XPR1: variants seen among roughly 807,000 people sequenced by gnomAD.
XPR1 encodes xenotropic and polytropic retrovirus receptor 1, also known as solute carrier family 53 member 1.
Under a neutral mutation model 87.5 loss-of-function variants are expected in XPR1, and 28 were observed. The observed-to-expected ratio is 0.32, with a 90% CI of 0.24 to 0.44. The LOEUF is 0.44. XPR1 is among the 20% of genes least tolerant of loss of function. The probability of loss-of-function intolerance (pLI) is 1.00; values close to 1 mark genes in which losing one functional copy is unlikely to be tolerated. For missense variants in XPR1, 559 were observed against 862.3 expected (o/e 0.65, Z 4.41); for synonymous variants, 300 against 306.1 (o/e 0.98, Z 0.21).
intron 7 of XPR1, among the ~76,000 whole-genome samples, chr1:180,817,458 A>C (rs1650451617): frequency 6.6e-6 from 1 of 152,192 alleles, no homozygotes; most frequent in African/African-American, 2.4e-5. Context: ...TAAGTACCCT[A>C]TACAGGTGTA....
Position 180,789,592 on chromosome 1 carries a change from C to CTT in XPR1, c.223+1746_223+1747dup, listed in dbSNP as rs139856632. On this transcript the variant is annotated intron_variant, in intron 3 of 14. Coordinates refer to ENST00000367590, the MANE Select transcript of XPR1 (RefSeq NM_004736.4). ...TACTCTTTTTTTGTCTTCTTTTTTC[C>CTT]TTTTTTTTTGGAGAATGGGGTCTTG... 2.6e-3 allele frequency among the ~76,000 whole-genome samples: 393 copies of CTT among 150,092 alleles called. 1 individual carries two copies. Among genetic ancestry groups the CTT allele is most frequent in the African/African-American group, 9.4e-3 (382 of 40,846 alleles).
intron 12 of XPR1, among the ~76,000 whole-genome samples, chr1:180,870,547 A>G (rs1652506710): frequency 1.7e-5 from 1 of 58,076 alleles, no homozygotes; most frequent in African/African-American, 8.4e-5. Flanking sequence ...TTCTTGTTGA[A>G]TTGATCCCTT....
chr1:180,706,080 G>T lies in XPR1; in HGVS notation c.121+23669G>T, dbSNP rs560480932. ...GAACACTTAAAATGAAGCATGGAGG[G>T]TTATCACTGGAGAATAGTTAGCTGT... On this transcript the variant is annotated intron_variant, in intron 2 of 14. Coordinates refer to ENST00000367590, the MANE Select transcript of XPR1 (RefSeq NM_004736.4). Among the ~76,000 whole-genome samples the T allele has an allele frequency of 2.8e-4, 43 of 152,304 alleles. No homozygotes were observed. The South Asian group carries it at 8.7e-3, about 31-fold the overall frequency.
chr1:180,771,195 A>C (rs2102066020), intron 2 of XPR1, among the ~76,000 whole-genome samples: 1 of 152,348 alleles, frequency 6.6e-6, no homozygotes, highest in Non-Finnish European at 1.5e-5. Context: ...ATTGATATTT[A>C]AGATTCATTA....
intron 11 of XPR1, among the ~76,000 whole-genome samples, chr1:180,852,841 T>C (rs770501635): frequency 6.6e-6 from 1 of 152,234 alleles, no homozygotes. Context: ...ACATAACTTA[T>C]TACAGTATAT....
At chr1:180,742,311 C>T (rs1024236336) in intron 2 of XPR1, among the ~76,000 whole-genome samples, 3 of 151,754 alleles carry the variant, frequency 2.0e-5, no homozygotes, top group African/African-American at 7.3e-5. Flanking sequence ...TAGCAGTATC[C>T]CTCAAATTTT....
In XPR1 at chr1:180,860,698, CA is replaced by C. The variant is rs1436654191; in HGVS notation, c.1502-3008del. Among the ~76,000 whole-genome samples, 8 of 151,524 alleles carry C rather than the reference CA, an allele frequency of 5.3e-5. No individual in the cohort carries two copies. In the East Asian group the frequency reaches 1.4e-3, roughly 26 times the overall value. The stretch of plus-strand genomic sequence containing the variant: ...AGACTGGTGGTTGTCCGTGGGGCTA[CA>C]ATGGAGTGTGTGGGAATTCTTTGGA... On this transcript the variant is annotated intron_variant, in intron 11 of 14. Coordinates refer to ENST00000367590, the MANE Select transcript of XPR1 (RefSeq NM_004736.4).
intron 7 of XPR1, among the ~76,000 whole-genome samples, chr1:180,817,334 T>G (rs949495109): frequency 1.3e-5 from 2 of 152,050 alleles, no homozygotes; most frequent in African/African-American, 4.8e-5. Context: ...GTAGCCTAAG[T>G]GTACAATGTG....
chr1:180,747,801 C>T (rs1200276102), intron 2 of XPR1, among the ~76,000 whole-genome samples: 1 of 152,132 alleles, frequency 6.6e-6, no homozygotes, highest in Non-Finnish European at 1.5e-5. Context: ...TTCTCAATTG[C>T]CATGGCTTTC....
intron 1 of XPR1, among the ~76,000 whole-genome samples, chr1:180,656,910 T>G (rs1197602808): frequency 6.6e-6 from 1 of 151,622 alleles, no homozygotes; most frequent in Non-Finnish European, 1.5e-5. Context: ...TTGAGGAAGC[T>G]CCAGACTGTT....
At chr1:180,825,434 A>G (rs1422032782) in intron 9 of XPR1, 90 bp downstream of exon 9, 3 of 1,322,748 alleles carry the variant, frequency 2.3e-6, no homozygotes, top group South Asian at 3.1e-5. Flanking sequence ...AGGTTGTACA[A>G]CTGCAGAGGC....
intron 2 of XPR1, among the ~76,000 whole-genome samples, chr1:180,698,880 G>T (rs1177758250): frequency 6.6e-6 from 1 of 152,110 alleles, no homozygotes; most frequent in Non-Finnish European, 1.5e-5. Flanking sequence ...TCTGCTGTTA[G>T]TCTGATGGTA....
chr1:180,722,375 T>C (rs10914079), intron 2 of XPR1, among the ~76,000 whole-genome samples: 47,734 of 152,012 alleles, frequency 0.31, 8,243 homozygotes, highest in Non-Finnish European at 0.38. Context: ...ATTACAGACA[T>C]GAGCCACCGC....
chr1:180,698,445 G>C (rs1418940716), intron 2 of XPR1, among the ~76,000 whole-genome samples: 5 of 152,092 alleles, frequency 3.3e-5, no homozygotes, highest in African/African-American at 1.2e-4. Flanking sequence ...GATAGGTGAG[G>C]ACTTGTTCCT....
In XPR1 at chr1:180,632,163, G is replaced by A. The variant is rs548175050; in HGVS notation, c.-39G>A. The A allele has an allele frequency of 2.0e-5, 31 of 1,587,922 alleles. No individual in the cohort carries two copies. In the South Asian group the frequency reaches 3.0e-4, roughly 15 times the overall value. On this transcript the variant is annotated 5_prime_UTR_variant, in exon 1 of 15. Coordinates refer to ENST00000367590, the MANE Select transcript of XPR1 (RefSeq NM_004736.4). Reference sequence around the variant, plus strand: ...GTCGCTGTTGCCGCCGCCGCCTGTAGCTGCTGGACCCGAGTGGGAGTGAGG... The same window carrying A: ...GTCGCTGTTGCCGCCGCCGCCTGTAACTGCTGGACCCGAGTGGGAGTGAGG...
intron 13 of XPR1, among the ~76,000 whole-genome samples, chr1:180,878,516 G>A (rs759142361): frequency 5.3e-5 from 8 of 152,250 alleles, no homozygotes; most frequent in Admixed American, 2.0e-4. Flanking sequence ...AGCGTTCTAA[G>A]CCTTTTACCT....
At chr1:180,740,600 G>T (rs531513785) in intron 2 of XPR1, among the ~76,000 whole-genome samples, 8 of 152,184 alleles carry the variant, frequency 5.3e-5, no homozygotes, top group African/African-American at 1.9e-4. Context: ...CTTTATAAGG[G>T]ATATTGGTCT....
At chr1:180,665,521 A>C (rs73049489) in intron 1 of XPR1, among the ~76,000 whole-genome samples, 6,547 of 152,260 alleles carry the variant, frequency 0.043, 502 homozygotes, top group African/African-American at 0.15. Context: ...CCCTTGGTGG[A>C]AAGGCTTGCT....
At chr1:180,743,224 T>TAG (rs111485833) in intron 2 of XPR1, among the ~76,000 whole-genome samples, 12 of 149,388 alleles carry the variant, frequency 8.0e-5, no homozygotes, top group Non-Finnish European at 1.6e-4. Flanking sequence ...CTTTTTTTTT[T>TAG]GGGGGGGGAG....
Sources: allele counts gnomAD v4.1 joint callset (sites outside exome capture counted in the v4.1 genomes callset), GRCh38; gene constraint gnomAD v4.1.1; transcripts MANE v1.5; gene names NCBI Gene and HGNC (gene_info 2026-07-23, HGNC 2026-07-21).